The following IQSEC1 variants were observed in gnomAD, a reference collection of about 807,000 sequenced individuals.
IQSEC1 encodes IQ motif and SEC7 domain-containing protein 1.
In IQSEC1, 31 loss-of-function variants were observed where a neutral mutation model predicts 91.0. The observed-to-expected ratio is 0.34, with a 90% CI of 0.26 to 0.46. IQSEC1 has a LOEUF of 0.46. Among genes scored for constraint, IQSEC1 ranks in the 20% least tolerant of loss-of-function variants. The probability of loss-of-function intolerance (pLI) is 1.00; values close to 1 mark genes in which losing one functional copy is unlikely to be tolerated. For synonymous variants in IQSEC1, 699 were observed against 662.6 expected, an observed-to-expected ratio of 1.05 and a Z score of -0.84; for missense variants, 1,388 against 1,575.6, an observed-to-expected ratio of 0.88 and a Z score of 2.02.
chr3:13,151,825 G>T (rs1398075791), intron 2 of IQSEC1, among the ~76,000 whole-genome samples: 2 of 152,100 alleles, frequency 1.3e-5, no homozygotes, highest in Non-Finnish European at 2.9e-5. Context: ...AATTAGCTGG[G>T]TATGGTGGCA....
intron 2 of IQSEC1, among the ~76,000 whole-genome samples, chr3:13,115,128 A>G (rs1320957041): frequency 1.3e-5 from 2 of 152,162 alleles, no homozygotes; most frequent in African/African-American, 2.4e-5. Context: ...GGAGCCACAG[A>G]TGGGTTGTGA....
chr3:13,122,880 C>A (rs1296087037), intron 2 of IQSEC1, among the ~76,000 whole-genome samples: 1 of 152,208 alleles, frequency 6.6e-6, no homozygotes, highest in African/African-American at 2.4e-5. Context: ...GCAGGGGCTA[C>A]TTCCACATCA....
intron 1 of IQSEC1, among the ~76,000 whole-genome samples, chr3:13,069,592 C>G (rs901401564): frequency 6.6e-6 from 1 of 152,156 alleles, no homozygotes; most frequent in Non-Finnish European, 1.5e-5. Context: ...AGAGAGGGGT[C>G]GGGACAGTTC....
chr3:13,126,101 A>G (rs892139645), intron 2 of IQSEC1, among the ~76,000 whole-genome samples: 10 of 152,338 alleles, frequency 6.6e-5, no homozygotes, highest in Admixed American at 5.2e-4. Context: ...CTCTGGACAT[A>G]TTAAAAGTGT....
At position 13,283,164 on chromosome 3, in the gene IQSEC1, C is replaced by T. The variant is rs1047080535; in HGVS notation, c.-182G>A. Among the ~76,000 whole-genome samples the T allele has an allele frequency of 2.9e-3, 420 of 145,692 alleles. 3 individuals carry two copies. The highest frequency in any genetic ancestry group is 9.0e-3 in the African/African-American group (368 of 40,788). ...CCCCCGCGCCTCCTGCTCCCCGCGC[C>T]GCCGCGCTCCGCCGCCCGCTGCCCC... On this transcript the variant is annotated 5_prime_UTR_variant, in exon 1 of 16. Transcript: ENST00000648114.
chr3:12,971,978 C>T (rs1700922387), intron 1 of IQSEC1, among the ~76,000 whole-genome samples: 2 of 152,146 alleles, frequency 1.3e-5, no homozygotes, highest in South Asian at 4.1e-4. Flanking sequence ...CGTGCCACTG[C>T]ACTCCAGCCC....
chr3:13,133,453 T>C (rs1296812280), intron 2 of IQSEC1, among the ~76,000 whole-genome samples: 1 of 151,778 alleles, frequency 6.6e-6, no homozygotes. Context: ...TGGGGGTGAG[T>C]TTCCACGGAA....
At chr3:13,168,461 G>T (rs1045406692) in intron 1 of IQSEC1, among the ~76,000 whole-genome samples, 1 of 152,046 alleles carries the variant, frequency 6.6e-6, no homozygotes, top group East Asian at 1.9e-4. Flanking sequence ...CATCTCAGGG[G>T]CCTCATCCAT....
At chr3:13,115,246 C>A (rs1449036584) in intron 2 of IQSEC1, among the ~76,000 whole-genome samples, 2 of 152,154 alleles carry the variant, frequency 1.3e-5, no homozygotes, top group African/African-American at 4.8e-5. Flanking sequence ...ATCTGGAGCT[C>A]ATTTCCCCCG....
rs1694337157 is a variant in IQSEC1, at chr3:13,206,016, ACCCATCCATCCCCCATCCCCCCATCTG to A, written c.273-41910_273-41884del. 5.2e-5 allele frequency among the ~76,000 whole-genome samples: 7 copies of A among 134,676 alleles called. No homozygotes were observed. The South Asian group carries it at 1.7e-3, about 34-fold the overall frequency. 88.4% of individuals were successfully genotyped at this position (134,676 alleles called of 152,430 possible). On this transcript the variant is annotated intron_variant, in intron 1 of 15. Transcript: ENST00000648114. Reference sequence around the variant, plus strand: ...CATCTACTCATCCATCTTTCCATCCACCCATCCATCCCCCATCCCCCCATCTGCCCATCCATCACTCCTCCCACCCAT... The same window carrying A: ...CATCTACTCATCCATCTTTCCATCCACCCATCCATCACTCCTCCCACCCAT...
Position 12,920,528 on chromosome 3 carries a change from AG to A in IQSEC1, c.1921del (p.Leu641TrpfsTer8). The A allele has an allele frequency of 6.2e-7, 1 of 1,614,228 alleles. No individual in the cohort carries two copies. The highest frequency in any genetic ancestry group is 8.5e-7 in the Non-Finnish European group (1 of 1,180,034). On this transcript the variant is annotated frameshift_variant, in exon 6 of 14. Coordinates refer to ENST00000613206, the MANE Select transcript of IQSEC1 (RefSeq NM_001134382.3). LOFTEE classifies it high-confidence loss of function. ...GTTCAGCAGGATGATGGCGAAGGCC[AG>A]GATGAAAATGGTGTCTGGGTTCCGG... ...QFRNPDTIFI[L>X]AFAIILLNTD...
chr3:13,108,619 C>T (rs2075584051), intron 2 of IQSEC1, among the ~76,000 whole-genome samples: 1 of 152,132 alleles, frequency 6.6e-6, no homozygotes, highest in Non-Finnish European at 1.5e-5. Flanking sequence ...TCAGCCAAGG[C>T]CCTGGGTGGA....
intron 1 of IQSEC1, among the ~76,000 whole-genome samples, chr3:13,055,923 C>T (rs560151549): frequency 6.6e-6 from 1 of 152,278 alleles, no homozygotes; most frequent in South Asian, 2.1e-4. Context: ...CATAGAGAGG[C>T]CCACCTGGCC....
At chr3:12,989,548 C>T (rs901185759) in intron 1 of IQSEC1, among the ~76,000 whole-genome samples, 4 of 152,146 alleles carry the variant, frequency 2.6e-5, no homozygotes, top group South Asian at 2.1e-4. Context: ...AGCTGGAATT[C>T]GAACCCAGCC....
intron 1 of IQSEC1, among the ~76,000 whole-genome samples, chr3:13,033,461 G>A (rs925454181): frequency 1.7e-4 from 26 of 151,964 alleles, no homozygotes; most frequent in Non-Finnish European, 2.8e-4. Flanking sequence ...GTCTTCACAC[G>A]GCATATTAGT....
At chr3:12,926,288 C>T (rs1215264320) in intron 3 of IQSEC1, among the ~76,000 whole-genome samples, 8 of 146,972 alleles carry the variant, frequency 5.4e-5, no homozygotes, top group Admixed American at 3.4e-4. Flanking sequence ...CCAGCCTGGG[C>T]GACAGAGCAA....
At chr3:13,234,890 C>A (rs1046645750) in intron 1 of IQSEC1, among the ~76,000 whole-genome samples, 5 of 152,232 alleles carry the variant, frequency 3.3e-5, no homozygotes, top group Non-Finnish European at 7.3e-5. Context: ...CCTGACTGTA[C>A]ACACAGTGTT....
rs751783194 is a variant in IQSEC1, at chr3:12,920,472, C to T, written c.1978G>A (p.Glu660Lys). ...TDMYSPNVKP[E>K]RKMKLEDFIK... The stretch of plus-strand genomic sequence containing the variant: ...AAGTCCTCTAGCTTCATTTTCCGCT[C>T]GGGCTTGACATTGGGGCTGTACATG... Residue 660 changes from glutamate (E) to lysine (K), a missense_variant, in exon 6 of 14, where the codon GAG (glutamate) becomes AAG (lysine). Glu to Lys is a moderately conservative substitution (Grantham distance 56). Transcript: ENST00000613206. 6 of 1,614,208 alleles carry T rather than the reference C, an allele frequency of 3.7e-6. No homozygotes were observed. Among genetic ancestry groups the T allele is most frequent in the Non-Finnish European group, 4.2e-6 (5 of 1,180,030 alleles).
intron 2 of IQSEC1, among the ~76,000 whole-genome samples, chr3:12,938,417 C>T (rs1036879428): frequency 1.2e-4 from 18 of 151,914 alleles, no homozygotes; most frequent in South Asian, 6.2e-4. Flanking sequence ...CATGCCCATG[C>T]GTGCTGCCTG....
Sources: gnomAD v4.1 joint callset for allele counts (sites outside exome capture counted in the v4.1 genomes callset) on GRCh38, gnomAD v4.1.1 for gene constraint, MANE v1.5 for transcripts, NCBI Gene and HGNC (gene_info 2026-07-23, HGNC 2026-07-21) for gene names.